The following DNAJC3 variants were observed in gnomAD, a reference collection of about 807,000 sequenced individuals.
DNAJC3 encodes the protein DnaJ heat shock protein family (Hsp40) member C3, also known as dnaJ homolog subfamily C member 3.
A neutral mutation model predicts 68.6 loss-of-function variants in DNAJC3; 38 were observed. The observed-to-expected ratio is 0.55, with a 90% confidence interval of 0.43 to 0.73. The LOEUF (loss-of-function observed/expected upper bound fraction) is 0.73, where lower values mean the gene tolerates loss of function less well. DNAJC3 is among the 30% of genes least tolerant of loss of function. The probability of loss-of-function intolerance (pLI) is 0.00; values close to 1 mark genes in which losing one functional copy is unlikely to be tolerated. For synonymous variants in DNAJC3, 203 were observed against 204.0 expected (o/e 1.00, Z 0.04); for missense variants, 526 against 591.9 (o/e 0.89, Z 1.16).
chr13:95,732,084 T>C lies in DNAJC3; in HGVS notation c.393+6832T>C, dbSNP rs147797232. Among the ~76,000 whole-genome samples, 68 of 152,138 alleles carry C rather than the reference T, an allele frequency of 4.5e-4. 1 individual carries two copies. The highest frequency in any genetic ancestry group is 1.5e-3 in the African/African-American group (63 of 41,496). On this transcript the variant is annotated intron_variant, in intron 4 of 11. Coordinates refer to ENST00000602402, the MANE Select transcript of DNAJC3 (RefSeq NM_006260.5). The stretch of plus-strand genomic sequence containing the variant: ...AAGCTATTGGATTCATTTGCTAGTA[T>C]TTCGTTGAGGATGTTTGCATCTGTG...
At chr13:95,687,634 CA>C (rs1880105465) in intron 1 of DNAJC3, among the ~76,000 whole-genome samples, 1 of 152,110 alleles carries the variant, frequency 6.6e-6, no homozygotes, top group Admixed American at 6.5e-5. Context: ...CTACCTAAAG[CA>C]ATCCACATAC....
intron 1 of DNAJC3, among the ~76,000 whole-genome samples, chr13:95,689,309 C>T (rs1880165458): frequency 6.8e-6 from 1 of 147,896 alleles, no homozygotes; most frequent in Non-Finnish European, 1.5e-5. Context: ...ATTTCTGTTT[C>T]TTCTTGGTTA....
chr13:95,725,198 C>T lies in DNAJC3; in HGVS notation c.339C>T (p.His113=). 6.3e-7 allele frequency: 1 copy of T among 1,591,272 alleles called. No individual in the cohort carries two copies. Among genetic ancestry groups the T allele is most frequent in the Non-Finnish European group, 8.5e-7 (1 of 1,171,198 alleles). The change falls in exon 4 of 12, where the codon CAC becomes CAT. Residue 113 remains histidine, a synonymous_variant. Transcript: ENST00000602402. ...TCTAGGCAAGATTACAGAGAGGTCA[C>T]TTATTACTCAAACAAGGAAAACTTG... ...DFTAARLQRG[H]LLLKQGKLDE... is the part of the protein sequence containing the mutation.
At chr13:95,688,930 G>T (rs7326793) in intron 1 of DNAJC3, among the ~76,000 whole-genome samples, 1,702 of 51,298 alleles carry the variant, frequency 0.033, 34 homozygotes, top group African/African-American at 0.089. Context: ...TTGTGTGGGT[G>T]TGTGTGTGTG....
In DNAJC3 at chr13:95,690,944, C is replaced by T. The variant is rs1480165749; in HGVS notation, c.82+13607C>T. Among the ~76,000 whole-genome samples the T allele has an allele frequency of 1.5e-3, 179 of 122,510 alleles. 2 individuals are homozygous for T. Among genetic ancestry groups the T allele is most frequent in the Admixed American group, 9.8e-4 (12 of 12,184 alleles). The allele number at this position is 122,510 out of a possible 152,430, so 80.4% of individuals were successfully genotyped here. On this transcript the variant is annotated intron_variant, in intron 1 of 11. Transcript: ENST00000602402. ...TGACCCCCCCCACCTCCCTCCCGGACGGGGCGGCTGGCCGGGCGGGGGGCT... is the reference window on the plus strand; with the variant it reads ...TGACCCCCCCCACCTCCCTCCCGGATGGGGCGGCTGGCCGGGCGGGGGGCT...
At position 95,792,118 on chromosome 13, in the gene DNAJC3, T is replaced by TCCTG. The variant is rs1262379756; in HGVS notation, c.*1092_*1095dup. ...CCAGATCTTGATGCCTCTGATTTTC[T>TCCTG]CCTGCCTACAAGAAAATACAGGCAA... On this transcript the variant is annotated 3_prime_UTR_variant, in exon 12 of 12. Coordinates refer to ENST00000602402, the MANE Select transcript of DNAJC3 (RefSeq NM_006260.5). The TCCTG allele has an allele frequency of 6.6e-6, 1 of 152,216 alleles. No homozygotes were observed. The highest frequency in any genetic ancestry group is 2.4e-5 in the African/African-American group (1 of 41,446). The allele number at this position is 152,216 out of a possible 1,614,324, so 9.4% of individuals were successfully genotyped here.
intron 10 of DNAJC3, 101 bp from the exon 11 acceptor site, chr13:95,786,905 GT>G: frequency 7.1e-7 from 1 of 1,400,126 alleles, no homozygotes; most frequent in Admixed American, 2.4e-5. Context: ...TATAAAACCA[GT>G]TTTGTTAATT....
chr13:95,730,383 T>G (rs1046979689), intron 4 of DNAJC3, among the ~76,000 whole-genome samples: 2 of 152,202 alleles, frequency 1.3e-5, no homozygotes, highest in African/African-American at 4.8e-5. Flanking sequence ...AAACTTTGCA[T>G]AGACCAATGT....
intron 4 of DNAJC3, among the ~76,000 whole-genome samples, chr13:95,740,271 T>A (rs1184718357): frequency 1.3e-5 from 2 of 152,256 alleles, no homozygotes; most frequent in African/African-American, 4.8e-5. Context: ...TTTGTTTGTC[T>A]GTGCCCTGCT....
At chr13:95,776,190 C>G (rs960605008) in intron 9 of DNAJC3, among the ~76,000 whole-genome samples, 2 of 151,940 alleles carry the variant, frequency 1.3e-5, no homozygotes, top group Non-Finnish European at 2.9e-5. Flanking sequence ...GCTTAAAGTG[C>G]ATCCTCAAAA....
At chr13:95,704,859 T>TTGTTTTTTG (rs1593964142) in intron 1 of DNAJC3, among the ~76,000 whole-genome samples, 1 of 137,876 alleles carries the variant, frequency 7.3e-6, no homozygotes, top group African/African-American at 3.3e-5. Context: ...GTGTTTTTTT[T>TTGTTTTTTG]TTTTTTTTTT....
chr13:95,784,191 C>T (rs1883530379), intron 9 of DNAJC3, among the ~76,000 whole-genome samples: 1 of 152,142 alleles, frequency 6.6e-6, no homozygotes, highest in African/African-American at 2.4e-5. Flanking sequence ...AGAATTTTAT[C>T]CCAGCAATCT....
intron 1 of DNAJC3, among the ~76,000 whole-genome samples, chr13:95,690,694 C>A (rs75420130): frequency 1.6e-5 from 2 of 123,414 alleles, no homozygotes; most frequent in African/African-American, 6.4e-5. Context: ...CCGGACGGGG[C>A]GGCTGGCTGG....
intron 1 of DNAJC3, among the ~76,000 whole-genome samples, chr13:95,683,807 GC>G (rs1879992799): frequency 6.6e-6 from 1 of 151,568 alleles, no homozygotes; most frequent in South Asian, 2.1e-4. Flanking sequence ...GGAGGTGGGC[GC>G]CTGAAATCCC....
intron 1 of DNAJC3, among the ~76,000 whole-genome samples, chr13:95,705,866 A>G (rs1000457423): frequency 9.9e-5 from 15 of 152,112 alleles, no homozygotes; most frequent in East Asian, 1.9e-4. Context: ...TGTCTTAGTA[A>G]AAGGAGTGTT....
At chr13:95,731,248 A>G (rs1338678302) in intron 4 of DNAJC3, among the ~76,000 whole-genome samples, 4 of 152,314 alleles carry the variant, frequency 2.6e-5, no homozygotes, top group African/African-American at 9.6e-5. Flanking sequence ...AAAGTGGGAC[A>G]ATTTGACTTC....
intron 9 of DNAJC3, among the ~76,000 whole-genome samples, chr13:95,776,967 C>T (rs1001123999): frequency 6.6e-6 from 1 of 152,122 alleles, no homozygotes; most frequent in African/African-American, 2.4e-5. Flanking sequence ...GCTGTTAGTC[C>T]CCTGCTTTGT....
chr13:95,684,639 A>C (rs1363545610), intron 1 of DNAJC3, among the ~76,000 whole-genome samples: 18 of 152,216 alleles, frequency 1.2e-4, no homozygotes, highest in Admixed American at 1.2e-3. Context: ...AAAGGGCTCC[A>C]AGGCATCTCA....
chr13:95,689,033 T>C (rs1158888685), intron 1 of DNAJC3, among the ~76,000 whole-genome samples: 2 of 151,902 alleles, frequency 1.3e-5, no homozygotes, highest in Non-Finnish European at 2.9e-5. Flanking sequence ...ATCAGGGATA[T>C]TGGCCTGTGG....
Sources: allele counts gnomAD v4.1 joint callset (sites outside exome capture counted in the v4.1 genomes callset), GRCh38; gene constraint gnomAD v4.1.1; transcripts MANE v1.5; gene names NCBI Gene and HGNC (gene_info 2026-07-23, HGNC 2026-07-21).